The following FYB1 variants were observed in gnomAD, a reference collection of about 807,000 sequenced individuals.
FYB1 encodes the protein FYN binding protein 1.
In FYB1, 41 loss-of-function variants were observed where a neutral mutation model predicts 94.1. The ratio of observed to expected loss-of-function variants is 0.44; its 90% confidence interval spans 0.34 to 0.57. The LOEUF is 0.57. Ranked by LOEUF, FYB1 falls within the 20% of genes least tolerant of loss-of-function variation. The pLI is 0.02. For synonymous variants in FYB1, 367 were observed against 353.2 expected, an observed-to-expected ratio of 1.04 and a Z score of -0.44; for missense variants, 1,050 against 976.8, an observed-to-expected ratio of 1.07 and a Z score of -1.00.
rs556286456 is a variant in FYB1 at position 39,205,791 on chromosome 5, A to C, written c.-27-2804T>G. On this transcript the variant is annotated intron_variant, in intron 1 of 18. Transcript: ENST00000512982. Reference sequence around the variant, plus strand: ...AAACCTTGACTTTGCCATTTTACTAACCACGTGATCTAGCATGGTAGTTAT... The same window carrying C: ...AAACCTTGACTTTGCCATTTTACTACCCACGTGATCTAGCATGGTAGTTAT... Among the ~76,000 whole-genome samples, 184 of 152,268 alleles carry C rather than the reference A, an allele frequency of 1.2e-3. 1 individual carries two copies. Among genetic ancestry groups the C allele is most frequent in the Admixed American group, 2.0e-3 (30 of 15,294 alleles).
chr5:39,125,473 A>G (rs1740567396), intron 12 of FYB1, among the ~76,000 whole-genome samples: 1 of 152,196 alleles, frequency 6.6e-6, no homozygotes, highest in South Asian at 2.1e-4. Context: ...ATATCATTAG[A>G]GTGTAATATA....
intron 3 of FYB1, among the ~76,000 whole-genome samples, chr5:39,153,090 G>C (rs1743391141): frequency 1.3e-5 from 2 of 149,508 alleles, no homozygotes; most frequent in Admixed American, 1.3e-4. Flanking sequence ...TATGGTGATG[G>C]AGTGGTGGTG....
At position 39,107,430 on chromosome 5, in the gene FYB1, C is replaced by T. The variant is rs1202701138; in HGVS notation, c.*13G>A. On this transcript the variant is annotated 3_prime_UTR_variant, in exon 19 of 19. Coordinates refer to ENST00000512982, the MANE Select transcript of FYB1 (RefSeq NM_001465.6). ...GCACCTAATGAACACAGCAGAATGACCAAAGTTGAGTGCTAGTCATTGTCA... is the reference window on the plus strand; with the variant it reads ...GCACCTAATGAACACAGCAGAATGATCAAAGTTGAGTGCTAGTCATTGTCA... The T allele has an allele frequency of 1.3e-6, 2 of 1,526,526 alleles. No individual in the cohort carries two copies. Among genetic ancestry groups the T allele is most frequent in the Admixed American group, 4.0e-5 (2 of 50,162 alleles). 94.6% of individuals were successfully genotyped at this position (1,526,526 alleles called of 1,614,324 possible). A position where few individuals can be genotyped will look rare whatever the true frequency, so the allele number is the denominator to read the frequency against.
chr5:39,203,065 G>A (rs960710828), intron 1 of FYB1, 78 bp from the exon 2 acceptor site: 9 of 1,299,526 alleles, frequency 6.9e-6, no homozygotes, highest in Non-Finnish European at 8.5e-6. Context: ...ACCTTACAGA[G>A]CTTCCTGGTT....
chr5:39,180,353 T>G (rs1746111796), intron 2 of FYB1, among the ~76,000 whole-genome samples: 1 of 152,220 alleles, frequency 6.6e-6, no homozygotes, highest in Non-Finnish European at 1.5e-5. Context: ...ACCATTCCCC[T>G]GATGCCCTTC....
chr5:39,108,407 A>C (rs899580445), intron 17 of FYB1, 145 bp from the exon 18 acceptor site: 2 of 692,162 alleles, frequency 2.9e-6, no homozygotes, highest in Non-Finnish European at 4.5e-6. Context: ...GTAGAAATAA[A>C]TTTGATATTC....
chr5:39,205,414 T>A (rs1748754758), intron 1 of FYB1, among the ~76,000 whole-genome samples: 1 of 152,232 alleles, frequency 6.6e-6, no homozygotes, highest in Admixed American at 6.5e-5. Context: ...TTGCTGTGTG[T>A]AAAACACTTT....
chr5:39,192,379 C>T (rs1747442300), intron 2 of FYB1, among the ~76,000 whole-genome samples: 1 of 152,152 alleles, frequency 6.6e-6, no homozygotes. Context: ...TCTCACAATG[C>T]ATCTCATACT....
In FYB1 at chr5:39,202,763, G is replaced by T. The variant is rs753081932; in HGVS notation, c.198C>A (p.Val66=). 1 of 1,613,956 alleles carries T rather than the reference G, an allele frequency of 6.2e-7. No individual in the cohort carries two copies. Among genetic ancestry groups the T allele is most frequent in the Non-Finnish European group, 8.5e-7 (1 of 1,179,862 alleles). The part of the protein sequence containing the change: ...KFGSPKPPVA[V]KPSSEEKPDK... ...CAGGCTTTTCCTCAGAAGAAGGTTT[G>T]ACTGCCACAGGTGGCTTTGGGGACC... The change falls in exon 2 of 19, where the codon GTC becomes GTA. Residue 66 remains valine, a synonymous_variant. Coordinates refer to ENST00000512982, the MANE Select transcript of FYB1 (RefSeq NM_001465.6).
intron 2 of FYB1, among the ~76,000 whole-genome samples, chr5:39,155,527 T>C (rs1193173045): frequency 1.3e-5 from 2 of 152,250 alleles, no homozygotes; most frequent in Non-Finnish European, 2.9e-5. Flanking sequence ...ATAAAAATTT[T>C]TGGATATATC....
Position 39,105,652 on chromosome 5 carries a change from A to T in FYB1, c.*1791T>A, listed in dbSNP as rs1252003548. 6.6e-6 allele frequency: 1 copy of T among 152,144 alleles called. No homozygotes were observed. Among genetic ancestry groups the T allele is most frequent in the African/African-American group, 2.4e-5 (1 of 41,430 alleles). 9.4% of individuals were successfully genotyped at this position (152,144 alleles called of 1,614,324 possible). On this transcript the variant is annotated 3_prime_UTR_variant, in exon 19 of 19. Coordinates refer to ENST00000512982, the MANE Select transcript of FYB1 (RefSeq NM_001465.6). Reference sequence around the variant, plus strand: ...GTCCTCAAACTAAAGCTGGCCAAAAACTTCAGCATAAAAACTATCCTGTCT... The same window carrying T: ...GTCCTCAAACTAAAGCTGGCCAAAATCTTCAGCATAAAAACTATCCTGTCT...
chr5:39,258,539 G>A (rs565497163), intron 1 of FYB1, among the ~76,000 whole-genome samples: 21 of 152,304 alleles, frequency 1.4e-4, no homozygotes, highest in African/African-American at 4.3e-4. Flanking sequence ...GGCAGAGGTT[G>A]CAGTGAGCTG....
chr5:39,137,623 G>GTTCT lies in FYB1; in HGVS notation c.1488_1491dup (p.Gln498ArgfsTer9). On this transcript the variant is annotated frameshift_variant, in exon 7 of 19. Transcript: ENST00000512982. LOFTEE classifies it high-confidence loss of function. ...ACTTTAAATTTCTTCTTTATTTCTTGTTCTTTCTTTTCTTTCTCTTTCTGT... is the reference window on the plus strand; with the variant it reads ...ACTTTAAATTTCTTCTTTATTTCTTGTTCTTTCTTTCTTTTCTTTCTCTTTCTGT... The GTTCT allele has an allele frequency of 6.5e-7, 1 of 1,538,510 alleles. No homozygotes were observed. Among genetic ancestry groups the GTTCT allele is most frequent in the Non-Finnish European group, 8.8e-7 (1 of 1,136,876 alleles).
At chr5:39,225,340 C>T (rs1750425991) in intron 1 of FYB1, among the ~76,000 whole-genome samples, 1 of 152,072 alleles carries the variant, frequency 6.6e-6, no homozygotes, top group Admixed American at 6.6e-5. Flanking sequence ...CAAACCAAAG[C>T]CCAATATAAA....
At chr5:39,257,883 A>T (rs1223972333) in intron 1 of FYB1, among the ~76,000 whole-genome samples, 1 of 152,038 alleles carries the variant, frequency 6.6e-6, no homozygotes, top group Admixed American at 6.5e-5. Flanking sequence ...ACAGCTGCAT[A>T]CTTTAAAATT....
At chr5:39,126,184 G>C (rs749975321) in intron 11 of FYB1, 49 bp from the exon 12 acceptor site, 1 of 1,590,156 alleles carries the variant, frequency 6.3e-7, no homozygotes. Context: ...AGCGGCAAGT[G>C]AAGACATTGT....
chr5:39,110,035 G>A (rs548886042), intron 17 of FYB1, among the ~76,000 whole-genome samples: 30 of 152,186 alleles, frequency 2.0e-4, no homozygotes, highest in Non-Finnish European at 3.5e-4. Context: ...CAAGTAAAAT[G>A]CAAAATATTG....
intron 2 of FYB1, among the ~76,000 whole-genome samples, chr5:39,160,469 A>G (rs1284751408): frequency 6.6e-6 from 1 of 152,228 alleles, no homozygotes; most frequent in Non-Finnish European, 1.5e-5. Context: ...CTACCCCAGT[A>G]GGCACCAAAA....
chr5:39,120,133 C>T (rs994472211), intron 14 of FYB1, among the ~76,000 whole-genome samples: 4 of 151,852 alleles, frequency 2.6e-5, no homozygotes, highest in Admixed American at 2.0e-4. Flanking sequence ...AATAAAAAAA[C>T]TTAAGTAAAA....
Sources: allele counts gnomAD v4.1 joint callset (sites outside exome capture counted in the v4.1 genomes callset), GRCh38; gene constraint gnomAD v4.1.1; transcripts MANE v1.5; gene names NCBI Gene and HGNC (gene_info 2026-07-23, HGNC 2026-07-21).